SORCS3: variants seen among roughly 807,000 people sequenced by gnomAD.
The protein encoded by SORCS3 is sortilin related VPS10 domain containing receptor 3, also known as VPS10 domain-containing receptor SorCS3.
In SORCS3, 57 loss-of-function variants were observed where a neutral mutation model predicts 146.3. The ratio of observed to expected loss-of-function variants is 0.39; its 90% CI spans 0.31 to 0.49. SORCS3 has a LOEUF of 0.49. Among genes scored for constraint, SORCS3 ranks in the 20% least tolerant of loss-of-function variants. The pLI is 0.92. For synonymous variants in SORCS3, 653 were observed against 618.5 expected (o/e 1.06, Z -0.83); for missense variants, 1,341 against 1,575.5 (o/e 0.85, Z 2.52).
chr10:105,262,565 T>C, intron 26 of SORCS3, 74 bp downstream of exon 26: 1 of 1,477,966 alleles, frequency 6.8e-7, no homozygotes, highest in Non-Finnish European at 9.2e-7. Context: ...CTGTCCCCCA[T>C]ACATTACTGG....
rs79015588 is a variant in SORCS3, at chr10:105,073,605, C to A, written c.1029-16170C>A. On this transcript the variant is annotated intron_variant, in intron 5 of 26. Transcript: ENST00000369701. ...AGCACAGAATGTTAGGCAGCAAGGG[C>A]AGTCCTAAGTGGGGAACTATCTTCA... 7.2e-3 allele frequency among the ~76,000 whole-genome samples: 1,099 copies of A among 152,216 alleles called. 17 individuals carry two copies. Among genetic ancestry groups the A allele is most frequent in the African/African-American group, 0.025 (1,055 of 41,528 alleles).
At chr10:104,934,202 G>C (rs778005812) in intron 3 of SORCS3, among the ~76,000 whole-genome samples, 5 of 152,116 alleles carry the variant, frequency 3.3e-5, no homozygotes, top group Non-Finnish European at 7.3e-5. Flanking sequence ...CCAATGGATT[G>C]ATTGCATCAA....
At chr10:104,865,520 G>T (rs899958872) in intron 2 of SORCS3, among the ~76,000 whole-genome samples, 2 of 152,020 alleles carry the variant, frequency 1.3e-5, no homozygotes, top group African/African-American at 4.8e-5. Flanking sequence ...AAAGAGGTTG[G>T]ACCAGAACTA....
Position 105,245,568 on chromosome 10 carries a change from T to A in SORCS3, c.2895T>A (p.Ile965=). ...CTCTCATCACTTTGGACAGCAGCAT[T>A]TCCTTCACATTCCTTGCAGAAGGAA... ...TKPLITLDSS[I]SFTFLAEGTD... The change falls in exon 21 of 27, where the codon ATT becomes ATA. Residue 965 remains isoleucine (I), a synonymous_variant. Transcript: ENST00000369701. 6.2e-7 allele frequency: 1 copy of A among 1,614,142 alleles called. No homozygotes were observed. The highest frequency in any genetic ancestry group is 8.5e-7 in the Non-Finnish European group (1 of 1,180,004).
intron 14 of SORCS3, among the ~76,000 whole-genome samples, chr10:105,193,601 A>C (rs1315357876): frequency 6.6e-6 from 1 of 152,198 alleles, no homozygotes; most frequent in Non-Finnish European, 1.5e-5. Flanking sequence ...AAAGGGCCAC[A>C]TTCCCTGTAG....
intron 4 of SORCS3, among the ~76,000 whole-genome samples, chr10:105,036,463 A>G (rs945146867): frequency 1.4e-4 from 22 of 152,116 alleles, no homozygotes; most frequent in Admixed American, 3.9e-4. Flanking sequence ...TGGGTGCTTA[A>G]TTAATATGAA....
At chr10:104,799,966 G>A (rs952812929) in intron 1 of SORCS3, among the ~76,000 whole-genome samples, 6 of 151,916 alleles carry the variant, frequency 3.9e-5, no homozygotes, top group South Asian at 2.1e-4. Flanking sequence ...ATGAGCCACC[G>A]TGCCTGGCCC....
intron 14 of SORCS3, among the ~76,000 whole-genome samples, chr10:105,181,084 T>G (rs1261169922): frequency 6.6e-6 from 1 of 152,100 alleles, no homozygotes; most frequent in East Asian, 1.9e-4. Context: ...TGAGGGAGGA[T>G]CTTTGTGTAT....
chr10:104,778,345 G>GCA (rs2133489575), intron 1 of SORCS3, among the ~76,000 whole-genome samples: 1 of 152,336 alleles, frequency 6.6e-6, no homozygotes, highest in East Asian at 1.9e-4. Flanking sequence ...CTGACATTGG[G>GCA]CCTATTTGGG....
At chr10:105,085,901 TTCTC>T (rs1211539804) in intron 5 of SORCS3, among the ~76,000 whole-genome samples, 2 of 152,158 alleles carry the variant, frequency 1.3e-5, no homozygotes, top group South Asian at 2.1e-4. Context: ...CTCTGTTTCT[TTCTC>T]TATCTCTGTG....
At chr10:104,775,376 C>T (rs1227526739) in intron 1 of SORCS3, among the ~76,000 whole-genome samples, 1 of 152,152 alleles carries the variant, frequency 6.6e-6, no homozygotes, top group Middle Eastern at 3.2e-3. Flanking sequence ...CACTCCATGC[C>T]AAGTCTTTGT....
chr10:104,670,030 A>G (rs995464623), intron 1 of SORCS3, among the ~76,000 whole-genome samples: 1 of 151,908 alleles, frequency 6.6e-6, no homozygotes. Flanking sequence ...TCCTTTGGAG[A>G]AATGTCTATT....
At chr10:105,191,885 C>G (rs925461820) in intron 14 of SORCS3, among the ~76,000 whole-genome samples, 7 of 152,120 alleles carry the variant, frequency 4.6e-5, no homozygotes, top group Non-Finnish European at 8.8e-5. Context: ...CGGCCCTGTT[C>G]CTAAACATTT....
rs372126627 is a variant in SORCS3 at position 105,245,684 on chromosome 10, T to G, written c.2992+19T>G. On this transcript the variant is annotated intron_variant, in intron 21 of 26. Coordinates refer to ENST00000369701, the MANE Select transcript of SORCS3 (RefSeq NM_014978.3). ...GTTCATGGTAAGCCCTGAAAATTGTTCTGTGATGCTCCTTCCCGCTCAGTT... is the reference window on the plus strand; with the variant it reads ...GTTCATGGTAAGCCCTGAAAATTGTGCTGTGATGCTCCTTCCCGCTCAGTT... 10 of 1,612,922 alleles carry G rather than the reference T, an allele frequency of 6.2e-6. No individual in the cohort carries two copies. The highest frequency in any genetic ancestry group is 8.5e-6 in the Non-Finnish European group (10 of 1,179,426).
intron 2 of SORCS3, among the ~76,000 whole-genome samples, chr10:104,863,407 T>A (rs1048977634): frequency 6.6e-6 from 1 of 152,212 alleles, no homozygotes; most frequent in Non-Finnish European, 1.5e-5. Flanking sequence ...TTTTAGGACC[T>A]AGGATGTGTT....
intron 7 of SORCS3, among the ~76,000 whole-genome samples, chr10:105,134,081 T>C (rs1002666111): frequency 9.2e-5 from 14 of 152,182 alleles, no homozygotes; most frequent in African/African-American, 3.4e-4. Flanking sequence ...ACAAAAGATG[T>C]TGGAATCAAG....
intron 4 of SORCS3, among the ~76,000 whole-genome samples, chr10:104,979,430 T>C (rs1450465666): frequency 1.3e-5 from 2 of 152,212 alleles, no homozygotes; most frequent in Non-Finnish European, 2.9e-5. Flanking sequence ...AGGAAACAGA[T>C]AATTCTGAGC....
chr10:105,008,128 A>G lies in SORCS3; in HGVS notation c.954+30635A>G, dbSNP rs149137413. On this transcript the variant is annotated intron_variant, in intron 4 of 26. Transcript: ENST00000369701. ...ATTCTGGGAAGCTTTTTTGATCTCT[A>G]CCAAGCTGCCTTAGGTCCTTTACAG... 6.4e-3 allele frequency among the ~76,000 whole-genome samples: 973 copies of G among 152,240 alleles called. 4 individuals carry two copies. The highest frequency in any genetic ancestry group is 0.011 in the Non-Finnish European group (769 of 67,998).
At chr10:104,687,110 C>T (rs779912575) in intron 1 of SORCS3, among the ~76,000 whole-genome samples, 1 of 152,190 alleles carries the variant, frequency 6.6e-6, no homozygotes, top group Non-Finnish European at 1.5e-5. Flanking sequence ...TCTTTCCATC[C>T]ATTTATCCAC....
Sources: gnomAD v4.1 joint callset for allele counts (sites outside exome capture counted in the v4.1 genomes callset) on GRCh38, gnomAD v4.1.1 for gene constraint, MANE v1.5 for transcripts, NCBI Gene and HGNC (gene_info 2026-07-23, HGNC 2026-07-21) for gene names.